PITPNA: variants seen among roughly 807,000 people sequenced by gnomAD.
The protein encoded by PITPNA is phosphatidylinositol transfer protein alpha.
In PITPNA, 13 loss-of-function variants were observed where a neutral mutation model predicts 50.3. The observed-to-expected ratio is 0.26, with a 90% CI of 0.17 to 0.41. The LOEUF (loss-of-function observed/expected upper bound fraction) is 0.41. Among genes scored for constraint, PITPNA ranks in the 10% least tolerant of loss-of-function variants. The pLI is 1.00. For missense variants in PITPNA, 207 were observed against 333.4 expected, an observed-to-expected ratio of 0.62 and a Z score of 2.95; for synonymous variants, 120 against 119.6, an observed-to-expected ratio of 1.00 and a Z score of -0.02.
intron 10 of PITPNA, 41 bp downstream of exon 10, chr17:1,534,058 G>A (rs374194242): frequency 2.6e-4 from 413 of 1,611,098 alleles, no homozygotes; most frequent in Non-Finnish European, 3.2e-4. Flanking sequence ...CTTAATCTTC[G>A]TTTGTTTATC....
At chr17:1,530,922 G>A (rs1449191941) in intron 10 of PITPNA, among the ~76,000 whole-genome samples, 4 of 152,178 alleles carry the variant, frequency 2.6e-5, no homozygotes, top group African/African-American at 7.2e-5. Context: ...ACCAGGTCCC[G>A]CTGCAGATGG....
At chr17:1,553,220 G>C (rs1483849458) in intron 2 of PITPNA, 71 bp from the exon 3 acceptor site, 21 of 1,540,768 alleles carry the variant, frequency 1.4e-5, no homozygotes, top group Non-Finnish European at 1.9e-5. Flanking sequence ...CCAGCTGCCA[G>C]TAAGTGTCTA....
At position 1,562,290 on chromosome 17, in the gene PITPNA, G is replaced by A. The variant is rs972049419; in HGVS notation, c.20+251C>T. 6.7e-6 allele frequency among the ~76,000 whole-genome samples: 1 copy of A among 150,082 alleles called. No individual in the cohort carries two copies. Among genetic ancestry groups the A allele is most frequent in the Non-Finnish European group, 1.5e-5 (1 of 67,332 alleles). On this transcript the variant is annotated intron_variant, in intron 1 of 11. Transcript: ENST00000313486. The surrounding 1 kb of genome is among the most constrained non-coding windows in gnomAD (Gnocchi z 6.4). ...CCCCGTGGGCCCCGGCTCAGATGCCGAACGCCCCGGCTGCCCCTCCACGCC... is the reference window on the plus strand; with the variant it reads ...CCCCGTGGGCCCCGGCTCAGATGCCAAACGCCCCGGCTGCCCCTCCACGCC...
intron 7 of PITPNA, among the ~76,000 whole-genome samples, chr17:1,536,491 G>T (rs1030911022): frequency 1.3e-5 from 2 of 151,568 alleles, no homozygotes; most frequent in African/African-American, 4.9e-5. Context: ...GGGTTTCACC[G>T]TGTTAGCCAG....
At chr17:1,524,718 A>G (rs1184761692) in intron 10 of PITPNA, among the ~76,000 whole-genome samples, 1 of 151,924 alleles carries the variant, frequency 6.6e-6, no homozygotes, top group East Asian at 2.0e-4. Flanking sequence ...GCATTGTGGC[A>G]GGCACCTGTA....
chr17:1,534,053 T>G, intron 10 of PITPNA, 46 bp downstream of exon 10: 1 of 1,610,330 alleles, frequency 6.2e-7, no homozygotes, highest in Non-Finnish European at 8.5e-7. Flanking sequence ...GTCTCCTTAA[T>G]CTTCGTTTGT....
chr17:1,530,361 AAGAG>A (rs1038908705), intron 10 of PITPNA, among the ~76,000 whole-genome samples: 1 of 147,540 alleles, frequency 6.8e-6, no homozygotes, highest in South Asian at 2.1e-4. Context: ...GTTGGGGAGA[AAGAG>A]AGAGACAGAA....
At chr17:1,547,093 C>G (rs1213428532) in intron 4 of PITPNA, among the ~76,000 whole-genome samples, 1 of 151,658 alleles carries the variant, frequency 6.6e-6, no homozygotes, top group African/African-American at 2.4e-5. Flanking sequence ...GGCACAGTGG[C>G]TCATGCCTGT....
chr17:1,552,732 C>T (rs1260170591), intron 3 of PITPNA, among the ~76,000 whole-genome samples: 4 of 152,142 alleles, frequency 2.6e-5, no homozygotes, highest in Admixed American at 2.6e-4. Context: ...ACTTCTGTCC[C>T]CCATGATACT....
chr17:1,562,480 GC>G lies in PITPNA; in HGVS notation c.20+60del. ...GCCCTGCGTCCCTCGCCGCGCCGTCGCCCCGGCGGCCGTCCCCACCCTCCCT... is the reference window on the plus strand; with the variant it reads ...GCCCTGCGTCCCTCGCCGCGCCGTCGCCCGGCGGCCGTCCCCACCCTCCCT... On this transcript the variant is annotated intron_variant, in intron 1 of 11. Coordinates refer to ENST00000313486, the MANE Select transcript of PITPNA (RefSeq NM_006224.4). The surrounding 1 kb of genome is among the most constrained non-coding windows in gnomAD (Gnocchi z 6.4). The G allele has an allele frequency of 7.5e-7, 1 of 1,326,930 alleles. No individual in the cohort carries two copies. The allele number at this position is 1,326,930 out of a possible 1,614,324, so 82.2% of individuals were successfully genotyped here.
At chr17:1,545,535 A>C (rs370889845) in intron 4 of PITPNA, among the ~76,000 whole-genome samples, 1 of 152,248 alleles carries the variant, frequency 6.6e-6, no homozygotes, top group Non-Finnish European at 1.5e-5. Context: ...GTCAGCACCC[A>C]CTGAGGAAAC....
At chr17:1,537,299 G>A (rs113592127) in intron 7 of PITPNA, among the ~76,000 whole-genome samples, 7,470 of 152,116 alleles carry the variant, frequency 0.049, 238 homozygotes, top group Non-Finnish European at 0.075. Flanking sequence ...TCTTGACCTC[G>A]TGATCTGCCC....
In PITPNA at chr17:1,562,624, GCTCTC is replaced by G; in HGVS notation, c.-69_-65del. 1 of 1,157,366 alleles carries G rather than the reference GCTCTC, an allele frequency of 8.6e-7. No individual in the cohort carries two copies. Among genetic ancestry groups the G allele is most frequent in the Non-Finnish European group, 1.1e-6 (1 of 929,226 alleles). The allele number at this position is 1,157,366 out of a possible 1,614,324, so 71.7% of individuals were successfully genotyped here. A position where few individuals can be genotyped will look rare whatever the true frequency, so the allele number is the denominator to read the frequency against. On this transcript the variant is annotated 5_prime_UTR_variant, in exon 1 of 12. Transcript: ENST00000313486. This position sits in a 1 kb window ranked among gnomAD's most constrained non-coding sequence, Gnocchi z 6.4. Reference sequence around the variant, plus strand: ...GCCTCCCGCCCGCTGCCCGCCGGCCGCTCTCCCCGTGGCCCGGCCCGGCCCGGCTG... The same window carrying G: ...GCCTCCCGCCCGCTGCCCGCCGGCCGCCCGTGGCCCGGCCCGGCCCGGCTG...
At chr17:1,561,771 C>T (rs1328075257) in intron 1 of PITPNA, among the ~76,000 whole-genome samples, 1 of 152,170 alleles carries the variant, frequency 6.6e-6, no homozygotes, top group Admixed American at 6.5e-5. Context: ...CCAGCCAGGC[C>T]CTGACTTCCT....
chr17:1,521,426 C>CT (rs1284176229), intron 11 of PITPNA, among the ~76,000 whole-genome samples, 153 bp downstream of exon 11: 1 of 152,128 alleles, frequency 6.6e-6, no homozygotes, highest in Non-Finnish European at 1.5e-5. Flanking sequence ...CCATAATCTC[C>CT]TAGTGGAAGT....
chr17:1,534,248 A>G (rs777266858), intron 9 of PITPNA, 27 bp from the exon 10 acceptor site: 4 of 1,613,298 alleles, frequency 2.5e-6, no homozygotes, highest in Non-Finnish European at 3.4e-6. Context: ...ACCACGTTAG[A>G]ACGCAGAAGG....
At chr17:1,542,984 A>T (rs762828073) in intron 5 of PITPNA, 36 bp downstream of exon 5, 1 of 1,536,298 alleles carries the variant, frequency 6.5e-7, no homozygotes, top group South Asian at 1.1e-5. Flanking sequence ...GTTCTTATAC[A>T]TCATCTACAG....
chr17:1,558,405 T>A, intron 2 of PITPNA, 124 bp downstream of exon 2: 1 of 682,050 alleles, frequency 1.5e-6, no homozygotes, highest in East Asian at 2.7e-5. Flanking sequence ...GAAATTCACA[T>A]TGAAATATTT....
chr17:1,549,151 C>A (rs1252160861), intron 3 of PITPNA, among the ~76,000 whole-genome samples: 3 of 151,884 alleles, frequency 2.0e-5, no homozygotes, highest in Non-Finnish European at 4.4e-5. Flanking sequence ...CGTGATCCAC[C>A]CACCTTGGCC....
Sources: gnomAD v4.1 joint callset for allele counts (sites outside exome capture counted in the v4.1 genomes callset) on GRCh38, gnomAD v4.1.1 for gene constraint, Gnocchi (gnomAD v3.1) non-coding constraint, MANE v1.5 for transcripts, NCBI Gene and HGNC (gene_info 2026-07-23, HGNC 2026-07-21) for gene names.